CC2D2B: variants seen among roughly 807,000 people sequenced by gnomAD.
CC2D2B encodes coiled-coil and C2 domain containing 2B.
A neutral mutation model predicts 161.2 loss-of-function variants in CC2D2B; 128 were observed. That is an observed-to-expected ratio of 0.79 (90% CI 0.69 to 0.92). The LOEUF (loss-of-function observed/expected upper bound fraction) is 0.92, where lower values mean the gene tolerates loss of function less well. Among genes scored for constraint, CC2D2B ranks in the 40% least tolerant of loss-of-function variants. CC2D2B has a pLI of 0.00. For synonymous variants in CC2D2B, 391 were observed against 449.8 expected, an observed-to-expected ratio of 0.87 and a Z score of 1.65; for missense variants, 1,173 against 1,375.1, an observed-to-expected ratio of 0.85 and a Z score of 2.32.
chr10:95,965,480 A>G (rs1373748715), intron 12 of CC2D2B, among the ~76,000 whole-genome samples: 1 of 152,056 alleles, frequency 6.6e-6, no homozygotes, highest in East Asian at 1.9e-4. Flanking sequence ...TTACTACTTA[A>G]TATCACCATG....
At chr10:95,912,441 C>T (rs116167512) in intron 2 of CC2D2B, among the ~76,000 whole-genome samples, 1 of 152,068 alleles carries the variant, frequency 6.6e-6, no homozygotes, top group African/African-American at 2.4e-5. Context: ...GCTGGAGACA[C>T]AGATTTGGGA....
intron 34 of CC2D2B, among the ~76,000 whole-genome samples, chr10:96,029,833 C>T (rs1311166967): frequency 1.3e-5 from 2 of 148,378 alleles, no homozygotes; most frequent in East Asian, 2.0e-4. Context: ...TTTTTTGCGA[C>T]GAGGTCTCAC....
chr10:95,947,229 C>T (rs1236956924), intron 9 of CC2D2B, among the ~76,000 whole-genome samples: 1 of 149,098 alleles, frequency 6.7e-6, no homozygotes, highest in East Asian at 2.0e-4. Flanking sequence ...TCTCCTGCCT[C>T]AGCCTCCCAA....
chr10:96,032,318 A>G lies in CC2D2B; in HGVS notation c.*310A>G. ...AGCAATTTTGGCCTCTTCTCCTAAG[A>G]CCAATGTTTCTCAAATTGTAGAATT... On this transcript the variant is annotated 3_prime_UTR_variant, in exon 35 of 35. Coordinates refer to ENST00000646931, the MANE Select transcript of CC2D2B (RefSeq NM_001349008.3). 3.8e-6 allele frequency: 1 copy of G among 260,692 alleles called. No homozygotes were observed. The highest frequency in any genetic ancestry group is 1.3e-3 in the Middle Eastern group (1 of 786). The allele number at this position is 260,692 out of a possible 1,614,324, so 16.1% of individuals were successfully genotyped here.
intron 11 of CC2D2B, among the ~76,000 whole-genome samples, chr10:95,958,482 ACT>A (rs1184100077): frequency 2.0e-5 from 3 of 152,052 alleles, no homozygotes; most frequent in African/African-American, 7.2e-5. Flanking sequence ...ACAGAGTGAG[ACT>A]CTGTCTCAGT....
chr10:95,987,040 T>C (rs2077756632), intron 19 of CC2D2B, among the ~76,000 whole-genome samples: 1 of 152,130 alleles, frequency 6.6e-6, no homozygotes, highest in Non-Finnish European at 1.5e-5. Flanking sequence ...TAAAGTGATA[T>C]GAGGCCGGGT....
Position 95,938,604 on chromosome 10 carries a change from C to T in CC2D2B, c.571C>T (p.Pro191Ser). Residue 191 changes from proline (P) to serine (S), a missense_variant, in exon 8 of 35, where the codon CCA becomes TCA. Around this residue, in one of 3 missense-constraint regions of CC2D2B, gnomAD observed 298 missense variants for 261.2 expected, o/e 1.14. Coordinates refer to ENST00000646931, the MANE Select transcript of CC2D2B (RefSeq NM_001349008.3). ...GCGCAAACTGCCAAAAGATATGATG[C>T]CACGTATTCTAGAAGATGAAGGATT... ...NQRKLPKDMM[P>S]RILEDEGFYI... The T allele has an allele frequency of 1.4e-6, 1 of 710,018 alleles. No homozygotes were observed. The highest frequency in any genetic ancestry group is 1.5e-5 in the South Asian group (1 of 65,706). The allele number at this position is 710,018 out of a possible 1,614,324, so 44.0% of individuals were successfully genotyped here. A position where few individuals can be genotyped will look rare whatever the true frequency, so the allele number is the denominator to read the frequency against.
In CC2D2B at chr10:96,002,658, G is replaced by A. The variant is rs557260700; in HGVS notation, c.2850-1494G>A. 2.0e-5 allele frequency among the ~76,000 whole-genome samples: 3 copies of A among 152,234 alleles called. No homozygotes were observed. The South Asian group carries it at 6.2e-4, about 32-fold the overall frequency. ...GGAAATCCTTGAGGAACAAAGTAGGGGAGTCAGCTAGTTATTTTATCACTA... is the reference window on the plus strand; with the variant it reads ...GGAAATCCTTGAGGAACAAAGTAGGAGAGTCAGCTAGTTATTTTATCACTA... On this transcript the variant is annotated intron_variant, in intron 24 of 34. Transcript: ENST00000646931.
chr10:96,026,806 A>G lies in CC2D2B; in HGVS notation c.3948-406A>G, dbSNP rs188901356. Among the ~76,000 whole-genome samples, 3 of 152,232 alleles carry G rather than the reference A, an allele frequency of 2.0e-5. No homozygotes were observed. The East Asian group carries it at 5.8e-4, about 29-fold the overall frequency. Reference sequence around the variant, plus strand: ...GAGCTCTGGTTTCCTCCTAAGTCCAAAAAGTATCATTCTCATACTTGAATA... The same window carrying G: ...GAGCTCTGGTTTCCTCCTAAGTCCAGAAAGTATCATTCTCATACTTGAATA... On this transcript the variant is annotated intron_variant, in intron 33 of 34. Coordinates refer to ENST00000646931, the MANE Select transcript of CC2D2B (RefSeq NM_001349008.3).
chr10:95,926,829 T>C (rs1307324688), intron 5 of CC2D2B, among the ~76,000 whole-genome samples: 1 of 134,602 alleles, frequency 7.4e-6, no homozygotes, highest in Non-Finnish European at 1.7e-5. Flanking sequence ...TGTGTGTGTG[T>C]GTGTGTGTGT....
intron 20 of CC2D2B, among the ~76,000 whole-genome samples, chr10:95,990,484 C>T (rs567815106): frequency 3.3e-5 from 5 of 152,212 alleles, no homozygotes; most frequent in South Asian, 4.2e-4. Flanking sequence ...CAGCCTGCAT[C>T]GTGCCAAGGG....
intron 6 of CC2D2B, among the ~76,000 whole-genome samples, chr10:95,936,122 G>A (rs1228801809): frequency 1.3e-5 from 2 of 152,186 alleles, no homozygotes; most frequent in Non-Finnish European, 2.9e-5. Context: ...GCTAGGTGCT[G>A]TGGCTGTGGC....
At chr10:96,029,254 A>G (rs1418166943) in intron 34 of CC2D2B, among the ~76,000 whole-genome samples, 1 of 27,764 alleles carries the variant, frequency 3.6e-5, no homozygotes, top group Non-Finnish European at 5.4e-5. Flanking sequence ...ATATATATAT[A>G]TATATATATA....
intron 15 of CC2D2B, among the ~76,000 whole-genome samples, chr10:95,971,578 C>G (rs1031750333): frequency 6.6e-6 from 1 of 152,102 alleles, no homozygotes; most frequent in Admixed American, 6.6e-5. Flanking sequence ...ACTCCCATAG[C>G]TTGTTTAACT....
At chr10:95,934,446 A>AAAACAAAC (rs1554830779) in intron 6 of CC2D2B, among the ~76,000 whole-genome samples, 3 of 149,868 alleles carry the variant, frequency 2.0e-5, no homozygotes, top group African/African-American at 7.3e-5. Context: ...TGAAAAAAAA[A>AAAACAAAC]AAACAAACAA....
chr10:96,028,549 T>C (rs1414575430), intron 34 of CC2D2B, among the ~76,000 whole-genome samples: 1 of 152,308 alleles, frequency 6.6e-6, no homozygotes, highest in East Asian at 1.9e-4. Context: ...GTACAACCAC[T>C]ATCGAGAATA....
Position 96,019,803 on chromosome 10 carries a change from A to T in CC2D2B, c.3867A>T (p.Gly1289=). The change falls in exon 32 of 35, where the codon GGA becomes GGT. Residue 1289 remains glycine (G), a synonymous_variant. Transcript: ENST00000646931. ...AGTTGCTTCCAAAAAACGTTCAAGGAACAAAAATACAAAGCATACAGGTAA... is the reference window on the plus strand; with the variant it reads ...AGTTGCTTCCAAAAAACGTTCAAGGTACAAAAATACAAAGCATACAGGTAA... ...WKQLLPKNVQ[G]TKIQSIQPEE... 1 of 1,606,494 alleles carries T rather than the reference A, an allele frequency of 6.2e-7. No individual in the cohort carries two copies. Among genetic ancestry groups the T allele is most frequent in the South Asian group, 1.1e-5 (1 of 89,062 alleles).
At chr10:96,015,372 T>C (rs2079152262) in intron 29 of CC2D2B, among the ~76,000 whole-genome samples, 1 of 151,694 alleles carries the variant, frequency 6.6e-6, no homozygotes, top group Non-Finnish European at 1.5e-5. Context: ...CCACCGCGCC[T>C]GGCCATACAC....
At chr10:95,913,133 A>C (rs1406857652) in intron 2 of CC2D2B, among the ~76,000 whole-genome samples, 13 of 151,230 alleles carry the variant, frequency 8.6e-5, no homozygotes, top group Non-Finnish European at 1.8e-4. Flanking sequence ...GTCTCTGGAA[A>C]CCATCATTAT....
Sources: allele counts gnomAD v4.1 joint callset (sites outside exome capture counted in the v4.1 genomes callset), GRCh38; gene constraint gnomAD v4.1.1; regional missense constraint gnomAD v4.1.1; transcripts MANE v1.5; gene names NCBI Gene and HGNC (gene_info 2026-07-23, HGNC 2026-07-21).